The following CLASP1 variants were observed in gnomAD, a reference collection of about 807,000 sequenced individuals.
CLASP1 encodes CLIP-associating protein 1.
A neutral mutation model predicts 192.3 loss-of-function variants in CLASP1; 38 were observed. The ratio of observed to expected loss-of-function variants is 0.20; its 90% CI spans 0.15 to 0.26. CLASP1 has a LOEUF of 0.26. Ranked by LOEUF, CLASP1 falls within the 10% of genes least tolerant of loss-of-function variation. The pLI, the probability that CLASP1 is intolerant of heterozygous loss-of-function variation, is 1.00. For missense variants in CLASP1, 1,433 were observed against 1,932.5 expected (o/e 0.74, Z 4.85); for synonymous variants, 691 against 712.8 (o/e 0.97, Z 0.49).
intron 9 of CLASP1, among the ~76,000 whole-genome samples, chr2:121,467,489 T>C (rs569523627): frequency 2.6e-5 from 4 of 152,312 alleles, no homozygotes; most frequent in Non-Finnish European, 4.4e-5. Context: ...TCTGAATTTT[T>C]AATAATAGCC....
chr2:121,422,527 G>A (rs932533860), intron 22 of CLASP1, among the ~76,000 whole-genome samples: 3 of 151,956 alleles, frequency 2.0e-5, no homozygotes, highest in Non-Finnish European at 4.4e-5. Flanking sequence ...TGACTTTATT[G>A]TATCTATAAA....
In CLASP1 at chr2:121,497,947, A is replaced by C. The variant is rs768481526; in HGVS notation, c.712+5220T>G. 5.9e-5 allele frequency among the ~76,000 whole-genome samples: 9 copies of C among 152,012 alleles called. 1 individual carries two copies. The highest frequency in any genetic ancestry group is 4.4e-5 in the Non-Finnish European group (3 of 67,990). ...TCACCATGTTAGCCAGGATGGTCTC[A>C]ATCTCCTGACCTCGTGATCCGCCCG... On this transcript the variant is annotated intron_variant, in intron 8 of 39. Transcript: ENST00000263710.
rs536562991 is a variant in CLASP1, at chr2:121,398,307, C to A, written c.2979+15G>T. 2.5e-6 allele frequency: 4 copies of A among 1,569,530 alleles called. No homozygotes were observed. In the African/African-American group the frequency reaches 4.0e-5, roughly 16 times the overall value. The stretch of plus-strand genomic sequence containing the variant: ...GAGTTCCAGGGTTGAATTGTAATGA[C>A]AAATAATTACTGACCTTGAGGTTTG... On this transcript the variant is annotated intron_variant, in intron 29 of 39. Coordinates refer to ENST00000263710, the Ensembl canonical transcript of CLASP1.
At chr2:121,390,808 A>G (rs2074212680) in intron 30 of CLASP1, among the ~76,000 whole-genome samples, 1 of 152,132 alleles carries the variant, frequency 6.6e-6, no homozygotes, top group Admixed American at 6.5e-5. Flanking sequence ...TTTCTCATTT[A>G]GTATCTCTCC....
rs115171785 is a variant in CLASP1, at chr2:121,567,172, C to A, written c.196-36847G>T. Among the ~76,000 whole-genome samples the A allele has an allele frequency of 2.1e-3, 320 of 152,322 alleles. 1 individual carries two copies. The highest frequency in any genetic ancestry group is 7.3e-3 in the African/African-American group (304 of 41,578). Reference sequence around the variant, plus strand: ...CACAGGCCTAGTATGCAGAACTGTTCCATAAACGTTAGCTACTTTCATTAT... The same window carrying A: ...CACAGGCCTAGTATGCAGAACTGTTACATAAACGTTAGCTACTTTCATTAT... On this transcript the variant is annotated intron_variant, in intron 2 of 39. Transcript: ENST00000263710.
chr2:121,636,382 A>G (rs1434981984), intron 1 of CLASP1, among the ~76,000 whole-genome samples: 1 of 145,152 alleles, frequency 6.9e-6, no homozygotes, highest in East Asian at 2.1e-4. Context: ...AATAAATTTT[A>G]GGGTGGCGCA....
Position 121,478,938 on chromosome 2 carries a change from CCCACACACACACCACACACACACA to C in CLASP1, c.713-9002_713-8979del, listed in dbSNP as rs1331376430. On this transcript the variant is annotated intron_variant, in intron 8 of 39. Coordinates refer to ENST00000263710, the Ensembl canonical transcript of CLASP1. ...ACCACACACACACCACACAACACCC[CCCACACACACACCACACACACACA>C]CCACACACACCACACACACACCACA... Among the ~76,000 whole-genome samples the C allele has an allele frequency of 7.2e-3, 268 of 37,318 alleles. 8 individuals carry two copies. The highest frequency in any genetic ancestry group is 0.026 in the African/African-American group (242 of 9,310). 24.5% of individuals were successfully genotyped at this position (37,318 alleles called of 152,430 possible).
At chr2:121,484,179 C>A (rs1349605316) in intron 8 of CLASP1, among the ~76,000 whole-genome samples, 1 of 152,154 alleles carries the variant, frequency 6.6e-6, no homozygotes, top group Non-Finnish European at 1.5e-5. Flanking sequence ...AGATATATTA[C>A]TAAAAGTACC....
chr2:121,530,943 A>G lies in CLASP1; in HGVS notation c.196-618T>C, dbSNP rs556631327. ...GCGCATAGTGAGGGCAGTACTGCTA[A>G]CGCCTGAACAACACACCCGCATCAA... On this transcript the variant is annotated intron_variant, in intron 2 of 39. Coordinates refer to ENST00000263710, the Ensembl canonical transcript of CLASP1. 32 of 700,288 alleles carry G rather than the reference A, an allele frequency of 4.6e-5. No homozygotes were observed. Among genetic ancestry groups the G allele is most frequent in the Non-Finnish European group, 6.0e-5 (23 of 384,806 alleles). The allele number at this position is 700,288 out of a possible 1,614,324, so 43.4% of individuals were successfully genotyped here.
At chr2:121,388,470 G>A (rs539817493) in intron 30 of CLASP1, among the ~76,000 whole-genome samples, 4 of 152,254 alleles carry the variant, frequency 2.6e-5, no homozygotes, top group African/African-American at 4.8e-5. Context: ...AGGAGTCTAC[G>A]TTAAAAACAT....
chr2:121,595,388 T>C lies in CLASP1; in HGVS notation c.195+10313A>G, dbSNP rs549810729. Among the ~76,000 whole-genome samples, 22 of 152,352 alleles carry C rather than the reference T, an allele frequency of 1.4e-4. No individual in the cohort carries two copies. The East Asian group carries it at 4.2e-3, about 29-fold the overall frequency. On this transcript the variant is annotated intron_variant, in intron 2 of 39. Coordinates refer to ENST00000263710, the Ensembl canonical transcript of CLASP1. ...GCACATAATGGCGCTTAATAAGTGT[T>C]AGCTACTAGTAAACATTAGCTGTTA...
chr2:121,421,223 C>A (rs2079445339), intron 22 of CLASP1, among the ~76,000 whole-genome samples: 1 of 152,110 alleles, frequency 6.6e-6, no homozygotes, highest in Non-Finnish European at 1.5e-5. Context: ...AAAGACTAAT[C>A]TAAAAGAAGG....
chr2:121,428,449 C>T (rs2080829283), intron 20 of CLASP1, among the ~76,000 whole-genome samples: 1 of 152,166 alleles, frequency 6.6e-6, no homozygotes, highest in African/African-American at 2.4e-5. Context: ...GAGATTTGAA[C>T]ACTTTTTGTC....
At chr2:121,445,570 CAA>C (rs1367438232) in intron 19 of CLASP1, 1 of 775,234 alleles carries the variant, frequency 1.3e-6, no homozygotes, top group Admixed American at 2.4e-5. Context: ...ACCTAGGTAG[CAA>C]CTGTAACAAA....
intron 8 of CLASP1, among the ~76,000 whole-genome samples, chr2:121,488,307 T>C (rs1000353323): frequency 1.3e-5 from 2 of 152,232 alleles, no homozygotes; most frequent in Non-Finnish European, 2.9e-5. Context: ...GCTGCCACAG[T>C]GGATGTGTCC....
At chr2:121,370,362 T>C (rs752227770) in intron 34 of CLASP1, among the ~76,000 whole-genome samples, 7 of 152,230 alleles carry the variant, frequency 4.6e-5, no homozygotes, top group Non-Finnish European at 7.3e-5. Context: ...TTCACTCTTG[T>C]CGCCCAGGCT....
intron 19 of CLASP1, among the ~76,000 whole-genome samples, chr2:121,433,057 C>T (rs2081708247): frequency 6.6e-6 from 1 of 152,182 alleles, no homozygotes; most frequent in African/African-American, 2.4e-5. Context: ...AGCGGTGGCT[C>T]ATGCCTGTAA....
At chr2:121,556,670 T>G (rs1270181835) in intron 2 of CLASP1, among the ~76,000 whole-genome samples, 2 of 152,228 alleles carry the variant, frequency 1.3e-5, no homozygotes, top group Admixed American at 1.3e-4. Context: ...GACAGAAATA[T>G]TCATCTGATT....
At chr2:121,422,105 T>C (rs1361754743) in intron 22 of CLASP1, among the ~76,000 whole-genome samples, 3 of 152,158 alleles carry the variant, frequency 2.0e-5, no homozygotes, top group Non-Finnish European at 2.9e-5. Context: ...AAGATACCCA[T>C]TTGATTGGTT....
Sources: allele counts gnomAD v4.1 joint callset (sites outside exome capture counted in the v4.1 genomes callset), GRCh38; gene constraint gnomAD v4.1.1; transcripts MANE v1.5; gene names NCBI Gene and HGNC (gene_info 2026-07-23, HGNC 2026-07-21).